KIRREL3: variants seen among roughly 807,000 people sequenced by gnomAD.
KIRREL3 encodes kirre like nephrin family adhesion molecule 3.
KIRREL3 carries 36 observed loss-of-function variants against 89.7 expected under a neutral mutation model. That is an observed-to-expected ratio of 0.40 (90% confidence interval 0.31 to 0.53). The LOEUF is 0.53. Among genes scored for constraint, KIRREL3 ranks in the 20% least tolerant of loss-of-function variants. The pLI, the probability that KIRREL3 is intolerant of heterozygous loss-of-function variation, is 0.49. For synonymous variants in KIRREL3, 445 were observed against 441.4 expected (o/e 1.01, Z -0.10); for missense variants, 864 against 1,056.6 (o/e 0.82, Z 2.53).
At chr11:126,538,842 A>G (rs1591702531) in intron 2 of KIRREL3, among the ~76,000 whole-genome samples, 1 of 152,022 alleles carries the variant, frequency 6.6e-6, no homozygotes, top group Non-Finnish European at 1.5e-5. Context: ...AGCTGCGGGG[A>G]GGCAAATATG....
At chr11:126,933,428 C>A (rs1033691260) in intron 1 of KIRREL3, among the ~76,000 whole-genome samples, 1 of 151,348 alleles carries the variant, frequency 6.6e-6, no homozygotes, top group Admixed American at 6.6e-5. Context: ...CTTAGGGGAA[C>A]CTCCTTTATA....
chr11:126,631,312 A>G (rs746133005), intron 1 of KIRREL3, among the ~76,000 whole-genome samples: 1 of 152,196 alleles, frequency 6.6e-6, no homozygotes, highest in Non-Finnish European at 1.5e-5. Flanking sequence ...AAGCGGCTTG[A>G]TGAGGGCCAC....
intron 1 of KIRREL3, among the ~76,000 whole-genome samples, chr11:126,863,400 T>TGCGTGTGTGAGG (rs1565362624): frequency 4.4e-5 from 2 of 45,520 alleles, no homozygotes; most frequent in Admixed American, 5.5e-4. Context: ...CGTGTGTGAG[T>TGCGTGTGTGAGG]GCGTGAGTGC....
rs1388056903 is a variant in KIRREL3, at chr11:126,601,685, CCCT to C, written c.56-38776_56-38774del. ...CTGGCCCCCTCTGCCCACTTGCCGCCCCTCCTCCATTCTTCTCATGCATCCTGC... is the reference window on the plus strand; with the variant it reads ...CTGGCCCCCTCTGCCCACTTGCCGCCCCTCCATTCTTCTCATGCATCCTGC... On this transcript the variant is annotated intron_variant, in intron 1 of 16. Transcript: ENST00000525144. The surrounding 1 kb of genome is among the most constrained non-coding windows in gnomAD (Gnocchi z 5.8). Among the ~76,000 whole-genome samples the C allele has an allele frequency of 1.3e-5, 2 of 152,134 alleles. No individual in the cohort carries two copies. The highest frequency in any genetic ancestry group is 3.9e-4 in the East Asian group (2 of 5,190).
At chr11:126,456,868 G>A (rs915083468) in intron 6 of KIRREL3, among the ~76,000 whole-genome samples, 2 of 152,206 alleles carry the variant, frequency 1.3e-5, no homozygotes, top group Non-Finnish European at 2.9e-5. Context: ...TCTCTTTTCC[G>A]TAAAGGTTCT....
At chr11:126,637,955 A>G (rs1944329900) in intron 1 of KIRREL3, among the ~76,000 whole-genome samples, 1 of 152,256 alleles carries the variant, frequency 6.6e-6, no homozygotes, top group Admixed American at 6.5e-5. Flanking sequence ...AGTGAGCAGC[A>G]GGGGCAGCTC....
Position 126,555,014 on chromosome 11 carries a change from C to A in KIRREL3, c.133+7821G>T, listed in dbSNP as rs1364947799. On this transcript the variant is annotated intron_variant, in intron 2 of 16. Transcript: ENST00000525144. The surrounding 1 kb of genome is among the most constrained non-coding windows in gnomAD (Gnocchi z 4.2). ...TCCTGCACCATCCCCTTTCCAACTC[C>A]TCATTCCGCCAAGAGCCCCTTCCAT... 1.3e-5 allele frequency among the ~76,000 whole-genome samples: 2 copies of A among 152,190 alleles called. No individual in the cohort carries two copies. Among genetic ancestry groups the A allele is most frequent in the African/African-American group, 2.4e-5 (1 of 41,440 alleles).
chr11:126,937,430 C>T (rs1290885260), intron 1 of KIRREL3, among the ~76,000 whole-genome samples: 1 of 152,202 alleles, frequency 6.6e-6, no homozygotes, highest in Non-Finnish European at 1.5e-5. Flanking sequence ...GCAGATGTGG[C>T]AGGCGCTCTT....
intron 1 of KIRREL3, among the ~76,000 whole-genome samples, chr11:126,914,146 C>G (rs968386759): frequency 6.6e-6 from 1 of 152,146 alleles, no homozygotes; most frequent in Non-Finnish European, 1.5e-5. Context: ...TGCCCTCTGT[C>G]ATGAGGAAGG....
In KIRREL3 at chr11:126,664,936, C is replaced by CTCT. The variant is rs1263784967; in HGVS notation, c.56-102027_56-102025dup. 1.3e-5 allele frequency among the ~76,000 whole-genome samples: 2 copies of CTCT among 152,188 alleles called. No individual in the cohort carries two copies. Among genetic ancestry groups the CTCT allele is most frequent in the African/African-American group, 4.8e-5 (2 of 41,446 alleles). On this transcript the variant is annotated intron_variant, in intron 1 of 16. Transcript: ENST00000525144. This position sits in a 1 kb window ranked among gnomAD's most constrained non-coding sequence, Gnocchi z 5.4. The stretch of plus-strand genomic sequence containing the variant: ...TCCCCTCCAGGCAGAATGAACTGTG[C>CTCT]TCTTACTCTGCAGCCTTCGACACAT...
Position 126,870,177 on chromosome 11 carries a change from G to A in KIRREL3, c.55+130278C>T, listed in dbSNP as rs1339436093. On this transcript the variant is annotated intron_variant, in intron 1 of 16. Coordinates refer to ENST00000525144, the MANE Select transcript of KIRREL3 (RefSeq NM_032531.4). This position sits in a 1 kb window ranked among gnomAD's most constrained non-coding sequence, Gnocchi z 4.4. ...GGGGCACAGGGTCGTATGTCCTGGG[G>A]CAGGGCTCCCTGTTCACGGTCTAAA... Among the ~76,000 whole-genome samples the A allele has an allele frequency of 6.6e-6, 1 of 152,190 alleles. No homozygotes were observed. The highest frequency in any genetic ancestry group is 2.4e-5 in the African/African-American group (1 of 41,440).
chr11:126,465,918 G>A (rs1463823937), intron 5 of KIRREL3, among the ~76,000 whole-genome samples: 1 of 152,234 alleles, frequency 6.6e-6, no homozygotes, highest in Non-Finnish European at 1.5e-5. Context: ...CTAAGACTTC[G>A]GGTAGGGCGC....
chr11:126,431,067 C>T lies in KIRREL3; in HGVS notation c.1696+352G>A. On this transcript the variant is annotated intron_variant, in intron 14 of 16. Coordinates refer to ENST00000525144, the MANE Select transcript of KIRREL3 (RefSeq NM_032531.4). The surrounding 1 kb of genome is among the most constrained non-coding windows in gnomAD (Gnocchi z 7.1). The stretch of plus-strand genomic sequence containing the variant: ...ATTTTGTTGTAGAGATGGGGTCTCT[C>T]TAGACTAACAGCTCTTGTAGAGCAA... The T allele has an allele frequency of 1.5e-6, 2 of 1,354,532 alleles. No homozygotes were observed. The highest frequency in any genetic ancestry group is 1.9e-6 in the Non-Finnish European group (2 of 1,055,146). The allele number at this position is 1,354,532 out of a possible 1,614,324, so 83.9% of individuals were successfully genotyped here.
rs1222486557 is a variant in KIRREL3 at position 126,898,675 on chromosome 11, CT to C, written c.55+101779del. 6.6e-6 allele frequency among the ~76,000 whole-genome samples: 1 copy of C among 151,922 alleles called. No homozygotes were observed. Among genetic ancestry groups the C allele is most frequent in the African/African-American group, 2.4e-5 (1 of 41,342 alleles). On this transcript the variant is annotated intron_variant, in intron 1 of 16. Transcript: ENST00000525144. The surrounding 1 kb of genome is among the most constrained non-coding windows in gnomAD (Gnocchi z 4.9). ...GTACTTTACATATATTTTGGAAGAC[CT>C]TTATCAAACATAGAATAGTTACCTG...
intron 4 of KIRREL3, among the ~76,000 whole-genome samples, chr11:126,493,607 A>G (rs1957580568): frequency 6.9e-6 from 1 of 143,972 alleles, no homozygotes; most frequent in South Asian, 2.3e-4. Context: ...GTGAGCTGAG[A>G]TCGCGCCACC....
rs137980333 is a variant in KIRREL3, at chr11:126,604,736, G to A, written c.56-41824C>T. On this transcript the variant is annotated intron_variant, in intron 1 of 16. Transcript: ENST00000525144. ...CAGAATGGCCCACTTCTAAACAAGC[G>A]TGTCTGAGCTTTGCCAGGTGTCCAT... Among the ~76,000 whole-genome samples the A allele has an allele frequency of 2.6e-5, 4 of 152,316 alleles. No individual in the cohort carries two copies. In the East Asian group the frequency reaches 7.7e-4, roughly 29 times the overall value.
intron 1 of KIRREL3, among the ~76,000 whole-genome samples, chr11:126,882,862 C>T (rs1945555807): frequency 6.6e-6 from 1 of 152,216 alleles, no homozygotes; most frequent in Admixed American, 6.5e-5. Flanking sequence ...TTTGAAGTTT[C>T]TGGGTTCAAG....
In KIRREL3 at chr11:126,611,118, TG is replaced by T. The variant is rs2134793082; in HGVS notation, c.56-48207del. Among the ~76,000 whole-genome samples, 1 of 152,264 alleles carries T rather than the reference TG, an allele frequency of 6.6e-6. No individual in the cohort carries two copies. The highest frequency in any genetic ancestry group is 6.5e-5 in the Admixed American group (1 of 15,294). ...ACTCCACTCCTGAGCTGTGTGACTT[TG>T]GGGAAGTTCCTCAACTGAAGTCACA... On this transcript the variant is annotated intron_variant, in intron 1 of 16. Transcript: ENST00000525144. This position sits in a 1 kb window ranked among gnomAD's most constrained non-coding sequence, Gnocchi z 4.7.
At chr11:126,720,757 T>G (rs1948137996) in intron 1 of KIRREL3, among the ~76,000 whole-genome samples, 1 of 152,208 alleles carries the variant, frequency 6.6e-6, no homozygotes, top group Non-Finnish European at 1.5e-5. Context: ...GAGAAAGGAA[T>G]TGGCTTGTGG....
Sources: gnomAD v4.1 joint callset for allele counts (sites outside exome capture counted in the v4.1 genomes callset) on GRCh38, gnomAD v4.1.1 for gene constraint, Gnocchi (gnomAD v3.1) non-coding constraint, MANE v1.5 for transcripts, NCBI Gene and HGNC (gene_info 2026-07-23, HGNC 2026-07-21) for gene names.